ADAM12: variants seen among roughly 807,000 people sequenced by gnomAD.
ADAM12 encodes the protein ADAM metallopeptidase domain 12.
Under a neutral mutation model 106.4 loss-of-function variants are expected in ADAM12, and 70 were observed. That is an observed-to-expected ratio of 0.66 (90% confidence interval 0.54 to 0.80). The LOEUF (loss-of-function observed/expected upper bound fraction) is 0.80. Ranked by LOEUF, ADAM12 falls within the 30% of genes least tolerant of loss-of-function variation. The probability of loss-of-function intolerance (pLI) is 0.00; values close to 1 mark genes in which losing one functional copy is unlikely to be tolerated. For synonymous variants in ADAM12, 420 were observed against 433.5 expected (o/e 0.97, Z 0.39); for missense variants, 1,010 against 1,171.9 (o/e 0.86, Z 2.02).
intron 1 of ADAM12, among the ~76,000 whole-genome samples, chr10:126,385,365 C>T (rs1856626719): frequency 6.6e-6 from 1 of 152,172 alleles, no homozygotes; most frequent in Non-Finnish European, 1.5e-5. Context: ...CACTAAAAGT[C>T]CCAACTCTAA....
chr10:126,306,004 T>C (rs1328121742), intron 2 of ADAM12, among the ~76,000 whole-genome samples: 1 of 152,050 alleles, frequency 6.6e-6, no homozygotes, highest in African/African-American at 2.4e-5. Context: ...ATTTAAAGTG[T>C]ATCTCTTGTA....
At chr10:126,342,114 A>C (rs545606881) in intron 1 of ADAM12, among the ~76,000 whole-genome samples, 15 of 152,302 alleles carry the variant, frequency 9.8e-5, no homozygotes, top group African/African-American at 3.4e-4. Context: ...TGCAGGGATG[A>C]CTGTGGCTTG....
chr10:126,339,285 A>G (rs1202996581), intron 1 of ADAM12, among the ~76,000 whole-genome samples: 1 of 152,180 alleles, frequency 6.6e-6, no homozygotes, highest in East Asian at 1.9e-4. Flanking sequence ...TCTTGTCACC[A>G]TCACCACCTC....
At chr10:126,241,333 C>G (rs904719141) in intron 3 of ADAM12, among the ~76,000 whole-genome samples, 2 of 152,210 alleles carry the variant, frequency 1.3e-5, no homozygotes, top group East Asian at 3.9e-4. Context: ...GTGAATATAG[C>G]AGAACCCACT....
intron 5 of ADAM12, among the ~76,000 whole-genome samples, chr10:126,128,545 G>T (rs1956243517): frequency 1.3e-5 from 2 of 152,120 alleles, no homozygotes; most frequent in African/African-American, 4.8e-5. Flanking sequence ...TGGTGTACAT[G>T]TGGGAATGTG....
intron 8 of ADAM12, among the ~76,000 whole-genome samples, chr10:126,104,016 C>T (rs774781667): frequency 6.6e-6 from 1 of 152,182 alleles, no homozygotes; most frequent in Non-Finnish European, 1.5e-5. Context: ...AGTCCAGGGA[C>T]GCTGCACTGG....
intron 11 of ADAM12, 56 bp from the exon 12 acceptor site, chr10:126,071,710 C>T: frequency 6.3e-7 from 1 of 1,588,874 alleles, no homozygotes; most frequent in South Asian, 1.1e-5. Context: ...GCTTTGTCTG[C>T]CCTTCTTGTG....
intron 3 of ADAM12, among the ~76,000 whole-genome samples, chr10:126,200,505 T>C (rs1565133489): frequency 6.6e-6 from 1 of 152,178 alleles, no homozygotes; most frequent in Non-Finnish European, 1.5e-5. Flanking sequence ...CTCCCACTAC[T>C]TGGTGAGATC....
intron 2 of ADAM12, among the ~76,000 whole-genome samples, chr10:126,290,837 G>C (rs116172135): frequency 6.6e-6 from 1 of 152,196 alleles, no homozygotes; most frequent in Non-Finnish European, 1.5e-5. Flanking sequence ...AGGCTCTTAC[G>C]TACTATGTGT....
rs187978298 is a variant in ADAM12 at position 126,128,755 on chromosome 10, A to G, written c.416+6829T>C. 1.4e-3 allele frequency among the ~76,000 whole-genome samples: 183 copies of G among 129,480 alleles called. 1 individual carries two copies. In the East Asian group the frequency reaches 0.035, roughly 25 times the overall value. The allele number at this position is 129,480 out of a possible 152,430, so 84.9% of individuals were successfully genotyped here. ...GTGGTGCGTGTGTGGGAATGTGTGC[A>G]AGTGGGCGCCTGCCCATGTGAGTGT... On this transcript the variant is annotated intron_variant, in intron 5 of 22. Transcript: ENST00000448723.
intron 3 of ADAM12, among the ~76,000 whole-genome samples, chr10:126,185,659 G>C (rs933718332): frequency 6.6e-6 from 1 of 152,052 alleles, no homozygotes; most frequent in Non-Finnish European, 1.5e-5. Flanking sequence ...AGGATGGCAA[G>C]AGAGTAAGAC....
At chr10:126,166,823 A>G (rs1471244) in intron 3 of ADAM12, among the ~76,000 whole-genome samples, 140,485 of 152,202 alleles carry the variant, frequency 0.92, 65,007 homozygotes, top group Middle Eastern at 0.99. Context: ...TTCCTAGTAT[A>G]AGATCTATCA....
intron 3 of ADAM12, among the ~76,000 whole-genome samples, chr10:126,240,926 T>G (rs1392352231): frequency 6.6e-6 from 1 of 152,270 alleles, no homozygotes; most frequent in African/African-American, 2.4e-5. Context: ...TAGCTTGCTA[T>G]GGCATAGGCC....
At chr10:126,376,887 A>C (rs1168085444) in intron 1 of ADAM12, among the ~76,000 whole-genome samples, 1 of 152,236 alleles carries the variant, frequency 6.6e-6, no homozygotes, top group Non-Finnish European at 1.5e-5. Flanking sequence ...AGCACTGTTC[A>C]AAGCACTGTA....
At chr10:126,140,474 G>A (rs71490760) in intron 4 of ADAM12, among the ~76,000 whole-genome samples, 31,569 of 152,122 alleles carry the variant, frequency 0.21, 3,525 homozygotes, top group South Asian at 0.3. Context: ...GAGGAGGGGG[G>A]TGGATTTCAG....
At chr10:126,237,050 C>A (rs1050837117) in intron 3 of ADAM12, among the ~76,000 whole-genome samples, 4 of 152,184 alleles carry the variant, frequency 2.6e-5, no homozygotes, top group Non-Finnish European at 4.4e-5. Context: ...CCTGGGCCAG[C>A]CTCGCCCACA....
chr10:126,124,487 A>G (rs1185114809), intron 5 of ADAM12, among the ~76,000 whole-genome samples: 2 of 152,164 alleles, frequency 1.3e-5, no homozygotes, highest in African/African-American at 4.8e-5. Context: ...TAGGCTAGAC[A>G]TACAAAGACC....
chr10:126,027,328 C>G (rs1953892790), intron 21 of ADAM12, among the ~76,000 whole-genome samples: 1 of 152,166 alleles, frequency 6.6e-6, no homozygotes, highest in Non-Finnish European at 1.5e-5. Context: ...TCTACTGAAA[C>G]TATTCCAAAA....
At chr10:126,035,121 A>C (rs1954035491) in intron 21 of ADAM12, among the ~76,000 whole-genome samples, 1 of 152,206 alleles carries the variant, frequency 6.6e-6, no homozygotes, top group Non-Finnish European at 1.5e-5. Context: ...GTATTTATCA[A>C]ACTGGTAAAA....
Sources: gnomAD v4.1 joint callset for allele counts (sites outside exome capture counted in the v4.1 genomes callset) on GRCh38, gnomAD v4.1.1 for gene constraint, MANE v1.5 for transcripts, NCBI Gene and HGNC (gene_info 2026-07-23, HGNC 2026-07-21) for gene names.